The following PACS2 variants were observed in gnomAD, a reference collection of about 807,000 sequenced individuals.
PACS2 encodes phosphofurin acidic cluster sorting protein 2.
In PACS2, 36 loss-of-function variants were observed where a neutral mutation model predicts 113.0. The observed-to-expected ratio is 0.32, with a 90% CI of 0.24 to 0.42. The LOEUF is 0.42. Among genes scored for constraint, PACS2 ranks in the 10% least tolerant of loss-of-function variants. PACS2 has a pLI of 1.00. For synonymous variants in PACS2, 589 were observed against 536.1 expected, an observed-to-expected ratio of 1.10 and a Z score of -1.36; for missense variants, 1,015 against 1,239.5, an observed-to-expected ratio of 0.82 and a Z score of 2.72.
chr14:105,384,777 G>A, intron 17 of PACS2, 102 bp from the exon 18 acceptor site: 1 of 764,166 alleles, frequency 1.3e-6, no homozygotes, highest in Non-Finnish European at 2.3e-6. Context: ...CGCGCTTCGG[G>A]GTACGGGAGG....
At chr14:105,391,144 T>C in intron 20 of PACS2, 63 bp from the exon 21 acceptor site, 1 of 1,342,902 alleles carries the variant, frequency 7.4e-7, no homozygotes, top group Non-Finnish European at 1.1e-6. Context: ...GGAGCCCCAC[T>C]GGGAGGGCGC....
At chr14:105,319,736 G>A (rs1203922761) in intron 1 of PACS2, among the ~76,000 whole-genome samples, 22 of 152,114 alleles carry the variant, frequency 1.4e-4, no homozygotes, top group African/African-American at 2.4e-5. Context: ...TGGATTACCC[G>A]TGTTCTGTCT....
chr14:105,358,248 C>T lies in PACS2; in HGVS notation c.423+3071C>T, dbSNP rs115763754. 6.4e-3 allele frequency among the ~76,000 whole-genome samples: 981 copies of T among 152,310 alleles called. 14 individuals are homozygous for T. The highest frequency in any genetic ancestry group is 0.021 in the African/African-American group (892 of 41,574). On this transcript the variant is annotated intron_variant, in intron 4 of 24. Transcript: ENST00000447393. The surrounding 1 kb of genome is among the most constrained non-coding windows in gnomAD (Gnocchi z 4.9). ...CTCATGGGTGCCAGGAGCTGGACGC[C>T]GGCGTGGGGTGGCTTAGGTCTGCAG...
chr14:105,381,752 C>T (rs782521609), intron 12 of PACS2, among the ~76,000 whole-genome samples, 162 bp from the exon 13 acceptor site: 1 of 152,210 alleles, frequency 6.6e-6, no homozygotes, highest in Non-Finnish European at 1.5e-5. Context: ...GGGCTGGTGA[C>T]CTCTCTGTGC....
chr14:105,368,453 C>T lies in PACS2; in HGVS notation c.661-6C>T. ...GTGGCCTCAGCCACTGCATATGTCT[C>T]TGCAGGACTTGGACGAGGACGACTT... On this transcript the variant is annotated splice_polypyrimidine_tract_variant and splice_region_variant and intron_variant, in intron 6 of 24. Coordinates refer to ENST00000447393, the MANE Select transcript of PACS2 (RefSeq NM_001100913.3). The T allele has an allele frequency of 1.2e-6, 2 of 1,611,346 alleles. No homozygotes were observed. Among genetic ancestry groups the T allele is most frequent in the African/African-American group, 2.7e-5 (2 of 75,032 alleles).
intron 1 of PACS2, among the ~76,000 whole-genome samples, chr14:105,344,479 C>T (rs1475553630): frequency 6.6e-5 from 10 of 152,002 alleles, no homozygotes; most frequent in Admixed American, 3.9e-4. Flanking sequence ...TCTATTTCAT[C>T]GTGGGGAGTT....
In PACS2 at chr14:105,382,061, G is replaced by C; in HGVS notation, c.1413+3G>C. The C allele has an allele frequency of 1.3e-6, 2 of 1,498,452 alleles. No individual in the cohort carries two copies. Among genetic ancestry groups the C allele is most frequent in the Non-Finnish European group, 1.7e-6 (2 of 1,144,774 alleles). 92.8% of individuals were successfully genotyped at this position (1,498,452 alleles called of 1,614,324 possible). On this transcript the variant is annotated splice_donor_region_variant and intron_variant, in intron 13 of 24. Coordinates refer to ENST00000447393, the MANE Select transcript of PACS2 (RefSeq NM_001100913.3). ...GCCAGCTACAGGTGCAGCTGCAGGT[G>C]GGGGTGGAGGGCGTGGCACGCCCAG...
intron 19 of PACS2, among the ~76,000 whole-genome samples, chr14:105,386,409 C>T (rs587668223): frequency 1.6e-4 from 24 of 152,176 alleles, no homozygotes; most frequent in Admixed American, 1.5e-3. Flanking sequence ...GAGACGGGGC[C>T]AAACTACCGA....
chr14:105,313,186 C>T (rs1338475792), upstream of PACS2, among the ~76,000 whole-genome samples: 2 of 152,216 alleles, frequency 1.3e-5, no homozygotes, highest in Non-Finnish European at 1.5e-5. Context: ...ATGTGTCAGG[C>T]GGCCCATCCG....
intron 3 of PACS2, 61 bp downstream of exon 3, chr14:105,352,528 C>T: frequency 1.0e-6 from 1 of 986,636 alleles, no homozygotes; most frequent in East Asian, 2.4e-5. Context: ...GACGGGCCCC[C>T]CTCATCACTG....
chr14:105,344,519 A>G (rs781934365), intron 1 of PACS2, among the ~76,000 whole-genome samples: 1 of 152,198 alleles, frequency 6.6e-6, no homozygotes, highest in Non-Finnish European at 1.5e-5. Context: ...TAGGGAAATG[A>G]AAATTGGTAC....
intron 9 of PACS2, among the ~76,000 whole-genome samples, chr14:105,377,335 G>A (rs1382037202): frequency 6.6e-6 from 1 of 152,094 alleles, no homozygotes; most frequent in Non-Finnish European, 1.5e-5. Flanking sequence ...GGAGGAGGAG[G>A]CAGAGGCAGG....
rs1229496493 is a variant in PACS2, at chr14:105,356,563, G to A, written c.423+1386G>A. 6.6e-6 allele frequency among the ~76,000 whole-genome samples: 1 copy of A among 152,190 alleles called. No individual in the cohort carries two copies. The highest frequency in any genetic ancestry group is 1.5e-5 in the Non-Finnish European group (1 of 68,022). Reference sequence around the variant, plus strand: ...ACAGGTAGCTCAGGGATGCTCTCTGGGCTGTGAGAGCCTCCTGGGAGCCAC... The same window carrying A: ...ACAGGTAGCTCAGGGATGCTCTCTGAGCTGTGAGAGCCTCCTGGGAGCCAC... On this transcript the variant is annotated intron_variant, in intron 4 of 24. Coordinates refer to ENST00000447393, the MANE Select transcript of PACS2 (RefSeq NM_001100913.3). The surrounding 1 kb of genome is among the most constrained non-coding windows in gnomAD (Gnocchi z 4.0).
In PACS2 at chr14:105,355,476, G is replaced by A. The variant is rs2060404502; in HGVS notation, c.423+299G>A. ...TGGAGGCTGGGTTTTGGGTCAGGCT[G>A]CTCTGGAGTCCTTCCCATGGAGGAA... On this transcript the variant is annotated intron_variant, in intron 4 of 24. Transcript: ENST00000447393. This position sits in a 1 kb window ranked among gnomAD's most constrained non-coding sequence, Gnocchi z 4.1. 6.6e-6 allele frequency among the ~76,000 whole-genome samples: 1 copy of A among 152,224 alleles called. No homozygotes were observed. Among genetic ancestry groups the A allele is most frequent in the African/African-American group, 2.4e-5 (1 of 41,464 alleles).
chr14:105,337,861 A>T (rs1197093607), intron 1 of PACS2, among the ~76,000 whole-genome samples: 3 of 152,026 alleles, frequency 2.0e-5, no homozygotes, highest in African/African-American at 7.2e-5. Context: ...AGGGGTGCCC[A>T]CCCTTGCTCC....
intron 1 of PACS2, among the ~76,000 whole-genome samples, chr14:105,334,796 A>G (rs1336851039): frequency 6.6e-6 from 1 of 152,230 alleles, no homozygotes; most frequent in Non-Finnish European, 1.5e-5. Context: ...CCCAGATGGG[A>G]TGCAGCTCAT....
chr14:105,326,799 T>C (rs983454514), intron 1 of PACS2, among the ~76,000 whole-genome samples: 2 of 152,140 alleles, frequency 1.3e-5, no homozygotes, highest in Non-Finnish European at 2.9e-5. Context: ...ACGTTCACCC[T>C]GCGGCCAGGA....
At chr14:105,389,927 A>T (rs1288946027) in intron 19 of PACS2, 34 bp from the exon 20 acceptor site, 1 of 1,600,904 alleles carries the variant, frequency 6.2e-7, no homozygotes, top group Non-Finnish European at 8.6e-7. Flanking sequence ...CTGTGCCCTG[A>T]GGAGAGCTTA....
chr14:105,362,163 C>G (rs138455576), intron 4 of PACS2, among the ~76,000 whole-genome samples: 2 of 150,426 alleles, frequency 1.3e-5, no homozygotes, highest in Admixed American at 6.6e-5. Context: ...TCACGCCTGT[C>G]ATCCCAGCAC....
Sources: gnomAD v4.1 joint callset for allele counts (sites outside exome capture counted in the v4.1 genomes callset) on GRCh38, gnomAD v4.1.1 for gene constraint, Gnocchi (gnomAD v3.1) non-coding constraint, MANE v1.5 for transcripts, NCBI Gene and HGNC (gene_info 2026-07-23, HGNC 2026-07-21) for gene names.